The following PEX5 variants were observed in gnomAD, a reference collection of about 807,000 sequenced individuals.
PEX5 encodes PTS1 receptor.
A neutral mutation model predicts 82.9 loss-of-function variants in PEX5; 52 were observed. The ratio of observed to expected loss-of-function variants is 0.63; its 90% CI spans 0.50 to 0.79. PEX5 has a LOEUF of 0.79. PEX5 is among the 30% of genes least tolerant of loss of function. The pLI is 0.00. For missense variants in PEX5, 719 were observed against 815.2 expected (o/e 0.88, Z 1.44); for synonymous variants, 300 against 318.8 (o/e 0.94, Z 0.63).
upstream of PEX5, chr12:7,188,928 A>T (rs1249807003): frequency 6.6e-6 from 1 of 152,144 alleles, no homozygotes; most frequent in Non-Finnish European, 1.5e-5. Context: ...CATTTCTTGT[A>T]TGTTTGTCCT....
At chr12:7,211,702 A>C (rs74393368), downstream of PEX5, among the ~76,000 whole-genome samples, 2,934 of 152,272 alleles carry the variant, frequency 0.019, 88 homozygotes, top group African/African-American at 0.066. Context: ...TCCTGTTACT[A>C]CTACAAAGGA....
In PEX5 at chr12:7,208,533, C is replaced by T. The variant is rs777735499; in HGVS notation, c.1258C>T (p.Arg420Ter). The T allele has an allele frequency of 5.0e-6, 8 of 1,613,978 alleles. No homozygotes were observed. Among genetic ancestry groups the T allele is most frequent in the East Asian group, 2.2e-5 (1 of 44,894 alleles). The change falls in exon 13 of 16, where the codon CGA becomes TGA. Residue 420 changes from arginine (R) to a stop codon, truncating the protein, a stop_gained. Coordinates refer to ENST00000675855, the MANE Select transcript of PEX5 (RefSeq NM_001351132.2). LOFTEE classifies it high-confidence loss of function. ...GAGCTTCACCAACGAGTCCCTGCAG[C>T]GACAGGCCTGTGAAACCCTACGAGA... is the stretch of plus-strand genomic sequence containing the variant. ...AVSFTNESLQ[R>*]QACETLRDWL...
chr12:7,206,631 T>A (rs1312906652), intron 10 of PEX5, among the ~76,000 whole-genome samples: 1 of 152,230 alleles, frequency 6.6e-6, no homozygotes, highest in African/African-American at 2.4e-5. Context: ...TAATTTTCAT[T>A]TGTGACAAAT....
intron 17 of PEX5, among the ~76,000 whole-genome samples, chr12:7,216,491 C>A (rs10161103): frequency 0.28 from 42,268 of 151,922 alleles, 6,203 homozygotes; most frequent in South Asian, 0.37. Context: ...TTATATAGAA[C>A]TATTGTATGT....
rs1421452589 is a variant in PEX5, at chr12:7,202,358, C to T, written c.753+7C>T. 6.2e-7 allele frequency: 1 copy of T among 1,614,084 alleles called. No individual in the cohort carries two copies. Among genetic ancestry groups the T allele is most frequent in the East Asian group, 2.2e-5 (1 of 44,866 alleles). On this transcript the variant is annotated splice_region_variant and intron_variant, in intron 8 of 15. Transcript: ENST00000675855. ...AGAGTTTATACAGCAGCAGGTAGGA[C>T]ATTGTCACTTTCCAGTCCCACTTCA... is the stretch of plus-strand genomic sequence containing the variant.
At chr12:7,201,188 CAT>C (rs1478423378) in intron 6 of PEX5, among the ~76,000 whole-genome samples, 4 of 144,940 alleles carry the variant, frequency 2.8e-5, no homozygotes, top group Non-Finnish European at 6.1e-5. Context: ...TGTACACACG[CAT>C]ACATACACAT....
Position 7,202,101 on chromosome 12 carries a change from CT to C in PEX5, c.643-136del, listed in dbSNP as rs1338126096. ...ATCCCTTTCTTTTTGCTCTCTACCT[CT>C]TTTAGGGTCTTTAGCATATCTTGTC... On this transcript the variant is annotated intron_variant, in intron 7 of 15. Coordinates refer to ENST00000675855, the MANE Select transcript of PEX5 (RefSeq NM_001351132.2). 1.0e-5 allele frequency: 14 copies of C among 1,351,114 alleles called. No individual in the cohort carries two copies. The Admixed American group carries it at 2.0e-4, about 20-fold the overall frequency. The allele number at this position is 1,351,114 out of a possible 1,614,324, so 83.7% of individuals were successfully genotyped here. A position where few individuals can be genotyped will look rare whatever the true frequency, so the allele number is the denominator to read the frequency against.
chr12:7,216,736 T>G (rs1458009000), intron 17 of PEX5, among the ~76,000 whole-genome samples: 1 of 152,198 alleles, frequency 6.6e-6, no homozygotes, highest in Admixed American at 6.5e-5. Flanking sequence ...ATTATTTTTA[T>G]TTTCTCTTTA....
chr12:7,196,026 TTATATATTA>T (rs1465178619), intron 5 of PEX5, among the ~76,000 whole-genome samples: 4 of 74,530 alleles, frequency 5.4e-5, no homozygotes, highest in Non-Finnish European at 1.3e-4. Context: ...ACATTATACA[TTATATATTA>T]TATATATTAT....
At chr12:7,213,176 C>T (rs1440084029), downstream of PEX5, among the ~76,000 whole-genome samples, 2 of 150,352 alleles carry the variant, frequency 1.3e-5, no homozygotes, top group Non-Finnish European at 1.5e-5. Flanking sequence ...GATTCAATGC[C>T]ATCCCCATCA....
At position 7,192,141 on chromosome 12, in the gene PEX5, A is replaced by G. The variant is rs116245951; in HGVS notation, c.448+441A>G. ...TTTAGAAGGTAAAGACCATACCATG[A>G]TGATGATAATAAAAATTAATAACAA... On this transcript the variant is annotated intron_variant, in intron 5 of 15. Coordinates refer to ENST00000675855, the MANE Select transcript of PEX5 (RefSeq NM_001351132.2). Among the ~76,000 whole-genome samples the G allele has an allele frequency of 4.9e-3, 740 of 152,372 alleles. 7 individuals are homozygous for G. The highest frequency in any genetic ancestry group is 0.015 in the African/African-American group (640 of 41,588).
chr12:7,208,000 T>G lies in PEX5; in HGVS notation c.1111-10T>G, dbSNP rs1196296273. 1 of 1,611,534 alleles carries G rather than the reference T, an allele frequency of 6.2e-7. No individual in the cohort carries two copies. Among genetic ancestry groups the G allele is most frequent in the Non-Finnish European group, 8.5e-7 (1 of 1,177,778 alleles). On this transcript the variant is annotated splice_polypyrimidine_tract_variant and intron_variant, in intron 11 of 15. Transcript: ENST00000675855. ...ATATGGGGTGATGGAATCTGTCAAC[T>G]TCCCTCTAGGCTTGGCAGTATCTGG... is the stretch of plus-strand genomic sequence containing the variant.
chr12:7,201,664 C>A, intron 6 of PEX5, 87 bp from the exon 7 acceptor site: 1 of 953,562 alleles, frequency 1.0e-6, no homozygotes, highest in Non-Finnish European at 1.7e-6. Context: ...CTCACAGGAA[C>A]TGTCATTGTC....
rs1565689011 is a variant in PEX5, at chr12:7,197,440, T to TAATTATATA, written c.449-1571_449-1570insAATTATATA. Among the ~76,000 whole-genome samples the TAATTATATA allele has an allele frequency of 1.3e-4, 12 of 89,124 alleles. No homozygotes were observed. In the South Asian group the frequency reaches 2.3e-3, roughly 17 times the overall value. The allele number at this position is 89,124 out of a possible 152,430, so 58.5% of individuals were successfully genotyped here. A position where few individuals can be genotyped will look rare whatever the true frequency, so the allele number is the denominator to read the frequency against. The stretch of plus-strand genomic sequence containing the variant: ...TAATTATATGTCATATACAATGTAA[T>TAATTATATA]TATGTTATATATAATGTAATAATTA... On this transcript the variant is annotated intron_variant, in intron 5 of 15. Coordinates refer to ENST00000675855, the MANE Select transcript of PEX5 (RefSeq NM_001351132.2).
At chr12:7,209,894 C>T in intron 15 of PEX5, 54 bp downstream of exon 15, 6 of 1,607,884 alleles carry the variant, frequency 3.7e-6, no homozygotes, top group Non-Finnish European at 3.4e-6. Context: ...CTGCCTTTGG[C>T]CCTAGCTCCT....
chr12:7,209,529 G>A (rs777413434), intron 14 of PEX5, among the ~76,000 whole-genome samples, 154 bp from the exon 15 acceptor site: 7 of 31,854 alleles, frequency 2.2e-4, no homozygotes, highest in African/African-American at 6.2e-4. Context: ...GCCACACACC[G>A]AACTGTTGAG....
At chr12:7,217,204 G>C (rs767348126) in intron 17 of PEX5, among the ~76,000 whole-genome samples, 2 of 152,186 alleles carry the variant, frequency 1.3e-5, no homozygotes, top group African/African-American at 4.8e-5. Flanking sequence ...AAAGTTTTTC[G>C]TAAAGGGCAA....
chr12:7,195,539 C>G (rs924645642), intron 5 of PEX5, among the ~76,000 whole-genome samples: 3 of 151,128 alleles, frequency 2.0e-5, no homozygotes, highest in African/African-American at 7.3e-5. Context: ...GATTTTTTTT[C>G]TTAAACTGCC....
At chr12:7,199,514 G>A (rs1490507064) in intron 6 of PEX5, among the ~76,000 whole-genome samples, 1 of 151,284 alleles carries the variant, frequency 6.6e-6, no homozygotes, top group East Asian at 1.9e-4. Flanking sequence ...AGAGCACAGG[G>A]TTGGGGGTAA....
Sources: allele counts gnomAD v4.1 joint callset (sites outside exome capture counted in the v4.1 genomes callset), GRCh38; gene constraint gnomAD v4.1.1; transcripts MANE v1.5; gene names NCBI Gene and HGNC (gene_info 2026-07-23, HGNC 2026-07-21).